The following DLGAP2 variants were observed in gnomAD, a reference collection of about 807,000 sequenced individuals.
DLGAP2 encodes the protein DLG associated protein 2.
DLGAP2 carries 26 observed loss-of-function variants against 100.3 expected under a neutral mutation model. The ratio of observed to expected loss-of-function variants is 0.26; its 90% CI spans 0.19 to 0.36. The LOEUF is 0.36. DLGAP2 is among the 10% of genes least tolerant of loss of function. The pLI is 1.00. For synonymous variants in DLGAP2, 886 were observed against 630.1 expected, an observed-to-expected ratio of 1.41 and a Z score of -6.08; for missense variants, 1,858 against 1,453.2, an observed-to-expected ratio of 1.28 and a Z score of -4.53.
chr8:827,586 A>AG (rs1796705361), intron 1 of DLGAP2, among the ~76,000 whole-genome samples: 1 of 152,228 alleles, frequency 6.6e-6, no homozygotes, highest in Admixed American at 6.5e-5. Context: ...TGTTGTGCTT[A>AG]GACAAGCATA....
intron 2 of DLGAP2, among the ~76,000 whole-genome samples, chr8:1,039,842 A>G (rs1272940015): frequency 5.4e-3 from 360 of 66,934 alleles, no homozygotes; most frequent in Middle Eastern, 0.049. Flanking sequence ...CTCGGTGTGC[A>G]TGTTCAGCTC....
At chr8:1,353,192 T>C (rs1815426297) in intron 3 of DLGAP2, among the ~76,000 whole-genome samples, 1 of 152,180 alleles carries the variant, frequency 6.6e-6, no homozygotes. Context: ...GGTAAGGATG[T>C]CCTGCATTAG....
chr8:890,779 C>G (rs889495899), intron 1 of DLGAP2, among the ~76,000 whole-genome samples: 1 of 152,120 alleles, frequency 6.6e-6, no homozygotes, highest in South Asian at 2.1e-4. Context: ...CCGGCCTCAG[C>G]CCCCTGTCCT....
intron 3 of DLGAP2, among the ~76,000 whole-genome samples, chr8:1,311,382 C>A (rs576268272): frequency 9.8e-5 from 15 of 152,298 alleles, no homozygotes; most frequent in African/African-American, 3.6e-4. Flanking sequence ...TCCACAGACC[C>A]TTCCAAAAAA....
chr8:762,049 G>A (rs10100355), intron 1 of DLGAP2, among the ~76,000 whole-genome samples: 38,971 of 152,086 alleles, frequency 0.26, 6,010 homozygotes, highest in Non-Finnish European at 0.35. Flanking sequence ...GTGGGTTTTG[G>A]CGTATATCTT....
At chr8:917,123 G>A (rs1798610339) in intron 2 of DLGAP2, among the ~76,000 whole-genome samples, 1 of 152,300 alleles carries the variant, frequency 6.6e-6, no homozygotes, top group South Asian at 2.1e-4. Flanking sequence ...AGGAGTGAAG[G>A]GCCGGGGATA....
chr8:858,030 C>G (rs547690001), intron 1 of DLGAP2, among the ~76,000 whole-genome samples: 1 of 152,114 alleles, frequency 6.6e-6, no homozygotes, highest in Non-Finnish European at 1.5e-5. Context: ...CCACCATGCC[C>G]GGCTAATTTT....
chr8:1,577,182 G>A (rs1275651473), intron 6 of DLGAP2, among the ~76,000 whole-genome samples: 2 of 152,092 alleles, frequency 1.3e-5, no homozygotes, highest in East Asian at 1.9e-4. Context: ...GCTGATAGCT[G>A]TGTTAATTCA....
chr8:983,920 G>A (rs147334670), intron 2 of DLGAP2, among the ~76,000 whole-genome samples: 32 of 152,312 alleles, frequency 2.1e-4, no homozygotes, highest in African/African-American at 7.2e-4. Flanking sequence ...GAGTGCAGAT[G>A]TGAGCCACTG....
chr8:958,969 T>C (rs1799659505), intron 2 of DLGAP2, among the ~76,000 whole-genome samples: 2 of 152,236 alleles, frequency 1.3e-5, no homozygotes, highest in Non-Finnish European at 2.9e-5. Flanking sequence ...TTTGAAGCAT[T>C]GATGCTGAAG....
intron 2 of DLGAP2, among the ~76,000 whole-genome samples, chr8:938,122 T>A (rs1280927228): frequency 6.6e-6 from 1 of 152,144 alleles, no homozygotes; most frequent in African/African-American, 2.4e-5. Context: ...ACGTGCAGTG[T>A]GAGCTGCGGA....
chr8:1,651,372 G>A (rs557088924), intron 8 of DLGAP2, among the ~76,000 whole-genome samples: 47 of 152,264 alleles, frequency 3.1e-4, no homozygotes, highest in Non-Finnish European at 5.4e-4. Context: ...TCCAAATCCC[G>A]AGGTTCCTGC....
chr8:1,102,712 G>T (rs1424116387), intron 2 of DLGAP2, among the ~76,000 whole-genome samples: 1 of 152,156 alleles, frequency 6.6e-6, no homozygotes, highest in African/African-American at 2.4e-5. Context: ...GGGGATTTAG[G>T]CACCTTTGCG....
chr8:1,331,478 C>T (rs1334450745), intron 3 of DLGAP2, among the ~76,000 whole-genome samples: 1 of 152,212 alleles, frequency 6.6e-6, no homozygotes, highest in Non-Finnish European at 1.5e-5. Context: ...CAGACTCCTC[C>T]TGCCCAGGGA....
At chr8:1,268,533 G>T (rs6985628) in intron 3 of DLGAP2, among the ~76,000 whole-genome samples, 125,591 of 152,182 alleles carry the variant, frequency 0.83, 51,918 homozygotes, top group Middle Eastern at 0.88. Context: ...GTTTTAAAAT[G>T]AGAACATCAT....
In DLGAP2 at chr8:1,515,627, GAC is replaced by G. The variant is rs373911077; in HGVS notation, c.172+14200_172+14201del. 3.2e-4 allele frequency among the ~76,000 whole-genome samples: 48 copies of G among 152,154 alleles called. No homozygotes were observed. The East Asian group carries it at 4.4e-3, about 14-fold the overall frequency. On this transcript the variant is annotated intron_variant, in intron 4 of 14. Transcript: ENST00000637795. Reference sequence around the variant, plus strand: ...ACACGTGCATGCACACACACATGCAGACACAAGCACACACACATGCAGACATG... The same window carrying G: ...ACACGTGCATGCACACACACATGCAGACAAGCACACACACATGCAGACATG...
At chr8:1,667,430 G>T (rs1279931472) in intron 8 of DLGAP2, among the ~76,000 whole-genome samples, 4 of 152,172 alleles carry the variant, frequency 2.6e-5, no homozygotes, top group Non-Finnish European at 5.9e-5. Context: ...GGCCACAGGT[G>T]AGCGTGGCCT....
intron 2 of DLGAP2, among the ~76,000 whole-genome samples, chr8:1,223,671 G>A (rs779777751): frequency 1.3e-5 from 2 of 152,198 alleles, no homozygotes; most frequent in African/African-American, 2.4e-5. Flanking sequence ...ATTTCTGAAA[G>A]GGAAGAGCAA....
At chr8:1,027,277 G>A (rs1801827444) in intron 2 of DLGAP2, among the ~76,000 whole-genome samples, 1 of 152,240 alleles carries the variant, frequency 6.6e-6, no homozygotes, top group African/African-American at 2.4e-5. Context: ...CACGCCCGTG[G>A]TGCTGCAGGT....
Sources: allele counts gnomAD v4.1 joint callset (sites outside exome capture counted in the v4.1 genomes callset), GRCh38; gene constraint gnomAD v4.1.1; transcripts MANE v1.5; gene names NCBI Gene and HGNC (gene_info 2026-07-23, HGNC 2026-07-21).